HPSE2: variants seen among roughly 807,000 people sequenced by gnomAD.
HPSE2 encodes the protein inactive heparanase-2.
Under a neutral mutation model 60.5 loss-of-function variants are expected in HPSE2, and 38 were observed. That is an observed-to-expected ratio of 0.63 (90% CI 0.48 to 0.82). The LOEUF is 0.82. Among genes scored for constraint, HPSE2 ranks in the 40% least tolerant of loss-of-function variants. HPSE2 has a pLI of 0.00. For missense variants in HPSE2, 713 were observed against 740.4 expected (o/e 0.96, Z 0.43); for synonymous variants, 295 against 293.2 (o/e 1.01, Z -0.06).
intron 9 of HPSE2, among the ~76,000 whole-genome samples, chr10:98,548,041 T>A (rs948916076): frequency 6.6e-6 from 1 of 152,192 alleles, no homozygotes; most frequent in South Asian, 2.1e-4. Context: ...GAAATACAGA[T>A]ATGGACAACA....
chr10:98,550,105 A>T (rs1263820648), intron 9 of HPSE2, among the ~76,000 whole-genome samples: 2 of 152,166 alleles, frequency 1.3e-5, no homozygotes, highest in African/African-American at 4.8e-5. Flanking sequence ...TCCTGTTGGT[A>T]TCTCTTCTCA....
At chr10:98,482,301 A>G (rs1004236648) in intron 11 of HPSE2, among the ~76,000 whole-genome samples, 2 of 152,168 alleles carry the variant, frequency 1.3e-5, no homozygotes, top group Admixed American at 6.5e-5. Flanking sequence ...ATGGGGCACT[A>G]TTGGCATTTG....
intron 9 of HPSE2, among the ~76,000 whole-genome samples, chr10:98,525,080 G>C (rs562778741): frequency 2.0e-5 from 3 of 152,250 alleles, no homozygotes; most frequent in African/African-American, 7.2e-5. Flanking sequence ...GCACGATCTT[G>C]GCTCACTGCA....
chr10:99,096,829 T>C (rs753117155), intron 3 of HPSE2, among the ~76,000 whole-genome samples: 4 of 152,096 alleles, frequency 2.6e-5, no homozygotes, highest in African/African-American at 4.8e-5. Context: ...ACTTTCTATG[T>C]TCAGGAGCAA....
intron 3 of HPSE2, among the ~76,000 whole-genome samples, chr10:99,060,658 CAAAAAAAAAA>C (rs35034456): frequency 4.2e-5 from 2 of 47,808 alleles, no homozygotes; most frequent in African/African-American, 9.4e-5. Flanking sequence ...AACTCTGTCT[CAAAAAAAAAA>C]AAAAAAAAAA....
intron 3 of HPSE2, among the ~76,000 whole-genome samples, chr10:99,114,310 C>G (rs1478684650): frequency 2.0e-5 from 3 of 152,022 alleles, no homozygotes; most frequent in Admixed American, 2.0e-4. Context: ...TTTAAGTCAC[C>G]GTCCAAAAAA....
At chr10:98,995,046 A>G (rs1049992011) in intron 3 of HPSE2, among the ~76,000 whole-genome samples, 4 of 152,184 alleles carry the variant, frequency 2.6e-5, no homozygotes, top group Non-Finnish European at 4.4e-5. Flanking sequence ...CCCCATGTCC[A>G]GGAGCTTTTC....
intron 3 of HPSE2, among the ~76,000 whole-genome samples, chr10:98,832,556 T>G (rs1951706021): frequency 6.6e-6 from 1 of 152,154 alleles, no homozygotes; most frequent in Admixed American, 6.5e-5. Flanking sequence ...TGAGTTCAGT[T>G]TGGAGGATTC....
At chr10:99,132,193 G>GAAAGAAAGAAAGAAAGAA (rs1462262867) in intron 3 of HPSE2, among the ~76,000 whole-genome samples, 8 of 13,410 alleles carry the variant, frequency 6.0e-4, no homozygotes, top group African/African-American at 1.1e-3. Flanking sequence ...AAGAAAGAAA[G>GAAAGAAAGAAAGAAAGAA]AGAGAGAGAG....
At chr10:99,131,892 A>T (rs2135737761) in intron 3 of HPSE2, among the ~76,000 whole-genome samples, 1 of 152,062 alleles carries the variant, frequency 6.6e-6, no homozygotes, top group Middle Eastern at 3.4e-3. Flanking sequence ...CAGGAGGATC[A>T]CCTGAGGGCA....
At chr10:99,293,219 CAAAAAGGAAAA>C in the HPSE2 span, among the ~76,000 whole-genome samples, 2 of 149,776 alleles carry the variant, frequency 1.3e-5, no homozygotes, top group Non-Finnish European at 3.0e-5. Flanking sequence ...AAGTAAACAG[CAAAAAGGAAAA>C]AAAAAGGAAG....
chr10:99,233,281 GA>G (rs1849728314), intron 1 of HPSE2, among the ~76,000 whole-genome samples: 1 of 152,088 alleles, frequency 6.6e-6, no homozygotes, highest in Non-Finnish European at 1.5e-5. Flanking sequence ...CTGATCTCAG[GA>G]AAGGTAACAT....
chr10:98,707,717 G>A (rs1948582668), intron 5 of HPSE2, among the ~76,000 whole-genome samples: 1 of 152,070 alleles, frequency 6.6e-6, no homozygotes, highest in African/African-American at 2.4e-5. Context: ...TCAGATATAG[G>A]AAAAGAGCTA....
intron 7 of HPSE2, among the ~76,000 whole-genome samples, chr10:98,624,189 T>C (rs1589525696): frequency 1.1e-5 from 1 of 91,812 alleles, no homozygotes; most frequent in African/African-American, 3.5e-5. Flanking sequence ...AGTAAACAAA[T>C]AAAAGAAATT....
chr10:99,060,332 A>C (rs1258736361), intron 3 of HPSE2, among the ~76,000 whole-genome samples: 1 of 152,074 alleles, frequency 6.6e-6, no homozygotes. Flanking sequence ...CACTAAATTT[A>C]ACAACTATCT....
chr10:98,691,362 AT>A (rs1948072993), intron 6 of HPSE2, among the ~76,000 whole-genome samples: 3 of 152,146 alleles, frequency 2.0e-5, no homozygotes, highest in Admixed American at 1.3e-4. Context: ...TATGGCCAAT[AT>A]TTTTTAAGTA....
chr10:98,946,849 G>A (rs1448790231), intron 3 of HPSE2, among the ~76,000 whole-genome samples: 1 of 152,044 alleles, frequency 6.6e-6, no homozygotes, highest in Non-Finnish European at 1.5e-5. Flanking sequence ...CTCAAGAGTT[G>A]TATTCCGTTA....
chr10:98,574,010 A>C (rs1313882817), intron 9 of HPSE2, among the ~76,000 whole-genome samples: 2 of 152,128 alleles, frequency 1.3e-5, no homozygotes, highest in African/African-American at 2.4e-5. Flanking sequence ...TTACCCCAAA[A>C]AGAAACCCTG....
chr10:98,624,594 C>CAT (rs965673783), intron 7 of HPSE2, among the ~76,000 whole-genome samples: 15 of 151,984 alleles, frequency 9.9e-5, no homozygotes, highest in Non-Finnish European at 1.6e-4. Context: ...GCTATGAGAT[C>CAT]ATATATACAT....
Sources: allele counts gnomAD v4.1 joint callset (sites outside exome capture counted in the v4.1 genomes callset), GRCh38; gene constraint gnomAD v4.1.1; transcripts MANE v1.5; gene names NCBI Gene and HGNC (gene_info 2026-07-23, HGNC 2026-07-21).